The following UBE3C variants were observed in gnomAD, a reference collection of about 807,000 sequenced individuals.
UBE3C encodes the protein ubiquitin-protein ligase E3C.
A neutral mutation model predicts 129.4 loss-of-function variants in UBE3C; 42 were observed. That is an observed-to-expected ratio of 0.32 (90% CI 0.25 to 0.42). UBE3C has a LOEUF of 0.42. Among genes scored for constraint, UBE3C ranks in the 10% least tolerant of loss-of-function variants. The pLI, the probability that UBE3C is intolerant of heterozygous loss-of-function variation, is 1.00. For missense variants in UBE3C, 1,049 were observed against 1,319.1 expected (o/e 0.80, Z 3.17); for synonymous variants, 510 against 492.4 (o/e 1.04, Z -0.47).
intron 1 of UBE3C, among the ~76,000 whole-genome samples, chr7:157,146,411 G>T (rs927272983): frequency 2.1e-5 from 1 of 46,898 alleles, no homozygotes; most frequent in African/African-American, 4.3e-4. Flanking sequence ...TAGTACAGAC[G>T]GGGGTTTCAC....
At chr7:157,149,915 G>A (rs1807712313) in intron 1 of UBE3C, among the ~76,000 whole-genome samples, 1 of 152,070 alleles carries the variant, frequency 6.6e-6, no homozygotes, top group Non-Finnish European at 1.5e-5. Flanking sequence ...CCTGTCTCAG[G>A]CCTCCAAATG....
At chr7:157,246,912 G>A (rs184228795) in intron 18 of UBE3C, among the ~76,000 whole-genome samples, 44 of 152,188 alleles carry the variant, frequency 2.9e-4, no homozygotes, top group Admixed American at 1.1e-3. Flanking sequence ...TTTTTGAGAC[G>A]GAGTTTTTGC....
At chr7:157,247,891 G>A (rs1211980320) in intron 18 of UBE3C, among the ~76,000 whole-genome samples, 1 of 151,872 alleles carries the variant, frequency 6.6e-6, no homozygotes, top group African/African-American at 2.4e-5. Flanking sequence ...TGTGGGCACG[G>A]CCTTGTTTGG....
chr7:157,233,102 AT>A (rs113348430), intron 18 of UBE3C, among the ~76,000 whole-genome samples: 36 of 148,278 alleles, frequency 2.4e-4, no homozygotes, highest in South Asian at 6.4e-4. Flanking sequence ...GTCTGTATGG[AT>A]TTTTTTTTTT....
intron 5 of UBE3C, 123 bp from the exon 6 acceptor site, chr7:157,178,567 C>A (rs1808585684): frequency 3.1e-6 from 3 of 972,798 alleles, no homozygotes; most frequent in Admixed American, 2.7e-5. Context: ...TAAGATGTCC[C>A]TATTTTCAGA....
intron 4 of UBE3C, among the ~76,000 whole-genome samples, chr7:157,171,012 A>C (rs754408951): frequency 6.6e-6 from 1 of 151,502 alleles, no homozygotes; most frequent in African/African-American, 2.4e-5. Context: ...AGGTCTTGCT[A>C]TGTTGCCCAG....
At chr7:157,246,199 A>G (rs945071789) in intron 18 of UBE3C, among the ~76,000 whole-genome samples, 2 of 151,204 alleles carry the variant, frequency 1.3e-5, no homozygotes, top group African/African-American at 4.9e-5. Flanking sequence ...TAAGTTCTGG[A>G]ATACTTATTT....
chr7:157,262,754 A>G (rs900565471), intron 22 of UBE3C, among the ~76,000 whole-genome samples: 16 of 152,026 alleles, frequency 1.1e-4, no homozygotes, highest in Non-Finnish European at 2.2e-4. Context: ...TGCTCTTACT[A>G]GTTTTACCCT....
chr7:157,168,965 T>G, intron 2 of UBE3C, 83 bp from the exon 3 acceptor site: 1 of 1,049,940 alleles, frequency 9.5e-7, no homozygotes, highest in Non-Finnish European at 1.5e-6. Context: ...TAGCTGTTAG[T>G]GTTTTTAAAG....
chr7:157,163,937 T>A, intron 2 of UBE3C, 74 bp downstream of exon 2: 1 of 1,351,662 alleles, frequency 7.4e-7, no homozygotes, highest in Non-Finnish European at 1.0e-6. Flanking sequence ...GGTTTTACTG[T>A]ATATATGTAT....
At position 157,239,704 on chromosome 7, in the gene UBE3C, A is replaced by G. The variant is rs116495431; in HGVS notation, c.2481+8377A>G. Among the ~76,000 whole-genome samples the G allele has an allele frequency of 7.6e-3, 1,158 of 152,308 alleles. 18 individuals are homozygous for G. The highest frequency in any genetic ancestry group is 0.027 in the African/African-American group (1,108 of 41,560). ...GCTGTGTTCTAAAGATGGGAGAAAT[A>G]ACAGCATGTGTATTTGCTGCTGGAA... is the stretch of plus-strand genomic sequence containing the variant. On this transcript the variant is annotated intron_variant, in intron 18 of 22. Transcript: ENST00000348165.
intron 1 of UBE3C, among the ~76,000 whole-genome samples, chr7:157,147,639 G>A (rs893289445): frequency 6.6e-6 from 1 of 152,132 alleles, no homozygotes; most frequent in Non-Finnish European, 1.5e-5. Flanking sequence ...TAGTGGGAAA[G>A]CTTTGAGTTT....
rs1439599340 is a variant in UBE3C, at chr7:157,256,521, T to C, written c.2951-393T>C. Among the ~76,000 whole-genome samples, 25 of 43,114 alleles carry C rather than the reference T, an allele frequency of 5.8e-4. 1 individual carries two copies. The South Asian group carries it at 0.02, about 35-fold the overall frequency. The allele number at this position is 43,114 out of a possible 152,430, so 28.3% of individuals were successfully genotyped here. Reference sequence around the variant, plus strand: ...TCCACATAATTGGCGGTGGGTGGGGTGGGGGCGGGGGGAGGCAGAGAATTC... The same window carrying C: ...TCCACATAATTGGCGGTGGGTGGGGCGGGGGCGGGGGGAGGCAGAGAATTC... On this transcript the variant is annotated intron_variant, in intron 21 of 22. Transcript: ENST00000348165.
intron 1 of UBE3C, among the ~76,000 whole-genome samples, chr7:157,147,928 G>C (rs1224607024): frequency 1.3e-5 from 2 of 152,104 alleles, no homozygotes; most frequent in Non-Finnish European, 2.9e-5. Flanking sequence ...TACGATGTTA[G>C]ATTGAGCTTG....
chr7:157,177,526 G>T (rs1237112279), intron 5 of UBE3C, among the ~76,000 whole-genome samples: 1 of 152,196 alleles, frequency 6.6e-6, no homozygotes, highest in African/African-American at 2.4e-5. Flanking sequence ...AGGTTGACAA[G>T]AGGCTCTCCC....
chr7:157,243,315 C>T (rs1355322209), intron 18 of UBE3C, among the ~76,000 whole-genome samples: 5 of 152,112 alleles, frequency 3.3e-5, no homozygotes, highest in Admixed American at 1.3e-4. Context: ...TGTGAGGCCT[C>T]GGCAGCTCTG....
chr7:157,182,524 T>C (rs1485812573), intron 8 of UBE3C, among the ~76,000 whole-genome samples, 196 bp downstream of exon 8: 3 of 152,144 alleles, frequency 2.0e-5, no homozygotes, highest in Non-Finnish European at 4.4e-5. Flanking sequence ...GACTGACATA[T>C]ATATGTGTCT....
intron 4 of UBE3C, among the ~76,000 whole-genome samples, chr7:157,171,912 G>A (rs1176446560): frequency 6.6e-6 from 1 of 150,826 alleles, no homozygotes; most frequent in African/African-American, 2.4e-5. Flanking sequence ...TCGCCATGTT[G>A]GGCAGGCTGG....
intron 5 of UBE3C, among the ~76,000 whole-genome samples, chr7:157,177,072 ATAG>A (rs1400620405): frequency 4.6e-5 from 7 of 152,178 alleles, no homozygotes; most frequent in Non-Finnish European, 1.0e-4. Context: ...ACTGGGTCAC[ATAG>A]TAGTTATATA....
Sources: allele counts gnomAD v4.1 joint callset (sites outside exome capture counted in the v4.1 genomes callset), GRCh38; gene constraint gnomAD v4.1.1; transcripts MANE v1.5; gene names NCBI Gene and HGNC (gene_info 2026-07-23, HGNC 2026-07-21).